The following HMGA2 variants were observed in gnomAD, a reference collection of about 807,000 sequenced individuals.
HMGA2 encodes the protein high mobility group protein HMGI-C.
A neutral mutation model predicts 19.1 loss-of-function variants in HMGA2; 8 were observed. That is an observed-to-expected ratio of 0.42 (90% CI 0.25 to 0.76). The LOEUF (loss-of-function observed/expected upper bound fraction) is 0.76, where lower values mean the gene tolerates loss of function less well. Among genes scored for constraint, HMGA2 ranks in the 30% least tolerant of loss-of-function variants. The pLI is 0.28. For synonymous variants in HMGA2, 60 were observed against 48.8 expected (o/e 1.23, Z -0.96); for missense variants, 109 against 136.3 (o/e 0.80, Z 1.00).
intron 3 of HMGA2, among the ~76,000 whole-genome samples, chr12:65,918,321 A>C: frequency 6.6e-6 from 1 of 152,176 alleles, no homozygotes; most frequent in South Asian, 2.1e-4. Flanking sequence ...ATGTTCCTTT[A>C]ATTTTGTGAT....
At chr12:65,962,783 T>C (rs1024700381) in intron 4 of HMGA2, among the ~76,000 whole-genome samples, 1 of 152,208 alleles carries the variant, frequency 6.6e-6, no homozygotes, top group African/African-American at 2.4e-5. Context: ...GTAAGCACTC[T>C]AAAAATACCA....
intron 3 of HMGA2, among the ~76,000 whole-genome samples, chr12:65,919,379 TA>T (rs137977558): frequency 2.3e-4 from 35 of 150,102 alleles, no homozygotes; most frequent in Admixed American, 5.3e-4. Context: ...ATATCTACTT[TA>T]AAAAAAAAAT....
At chr12:65,868,591 G>A (rs1872553706) in intron 3 of HMGA2, among the ~76,000 whole-genome samples, 1 of 152,076 alleles carries the variant, frequency 6.6e-6, no homozygotes, top group African/African-American at 2.4e-5. Flanking sequence ...TGAAGCAAGA[G>A]TTTCTTTTTA....
chr12:65,837,214 T>C (rs1396857256), intron 2 of HMGA2, among the ~76,000 whole-genome samples: 1 of 152,222 alleles, frequency 6.6e-6, no homozygotes, highest in Non-Finnish European at 1.5e-5. Context: ...ATATAGAGTT[T>C]GCGTTAATTC....
chr12:65,850,943 T>A (rs1227199048), intron 3 of HMGA2, among the ~76,000 whole-genome samples: 1 of 152,234 alleles, frequency 6.6e-6, no homozygotes, highest in Non-Finnish European at 1.5e-5. Flanking sequence ...TTTCTCCTTT[T>A]ACGGTTCTTA....
intron 3 of HMGA2, among the ~76,000 whole-genome samples, chr12:65,900,583 G>C (rs1874330916): frequency 6.6e-6 from 1 of 152,216 alleles, no homozygotes; most frequent in Non-Finnish European, 1.5e-5. Flanking sequence ...TATCAAAGGA[G>C]ACTGACCAGC....
chr12:65,847,404 A>C (rs1339900129), intron 3 of HMGA2, among the ~76,000 whole-genome samples: 4 of 152,220 alleles, frequency 2.6e-5, no homozygotes, highest in Non-Finnish European at 5.9e-5. Flanking sequence ...ATTTATGCTT[A>C]TCAAATAATT....
At chr12:65,911,533 C>T (rs1210060521) in intron 3 of HMGA2, among the ~76,000 whole-genome samples, 1 of 152,070 alleles carries the variant, frequency 6.6e-6, no homozygotes, top group African/African-American at 2.4e-5. Context: ...GTGATGACAG[C>T]AAGATTAAGA....
intron 4 of HMGA2, chr12:65,952,666 A>G (rs1876497285): frequency 2.5e-6 from 1 of 401,310 alleles, no homozygotes; most frequent in Non-Finnish European, 4.2e-6. Flanking sequence ...TGACATTTTC[A>G]TTAGGAGAAC....
At chr12:65,943,087 A>C (rs1009008439) in intron 3 of HMGA2, among the ~76,000 whole-genome samples, 2 of 152,146 alleles carry the variant, frequency 1.3e-5, no homozygotes, top group African/African-American at 4.8e-5. Context: ...TATTAATCTA[A>C]AATTGTACAT....
chr12:65,829,460 G>A (rs2120833429), intron 2 of HMGA2, among the ~76,000 whole-genome samples: 1 of 152,014 alleles, frequency 6.6e-6, no homozygotes, highest in Non-Finnish European at 1.5e-5. Flanking sequence ...TAACTAAAAT[G>A]GACTGATTTT....
At chr12:65,934,672 C>T (rs1377756316) in intron 3 of HMGA2, 2 of 152,162 alleles carry the variant, frequency 1.3e-5, no homozygotes, top group Non-Finnish European at 2.9e-5. Flanking sequence ...CATTTGTTCA[C>T]ATGAATAGAA....
intron 3 of HMGA2, among the ~76,000 whole-genome samples, chr12:65,892,898 C>G (rs867898357): frequency 2.0e-5 from 3 of 152,250 alleles, no homozygotes; most frequent in Middle Eastern, 3.4e-3. Context: ...CTCTTTCAAG[C>G]GGCGGAAACC....
intron 4 of HMGA2, chr12:65,952,553 T>C: frequency 1.4e-6 from 2 of 1,382,524 alleles, no homozygotes; most frequent in Non-Finnish European, 1.9e-6. Flanking sequence ...TCATTGCTGC[T>C]CCCATACCTA....
At chr12:65,895,818 G>A (rs916915027) in intron 3 of HMGA2, among the ~76,000 whole-genome samples, 5 of 152,242 alleles carry the variant, frequency 3.3e-5, no homozygotes, top group South Asian at 2.1e-4. Flanking sequence ...GCTTTGTTCC[G>A]CTCTGAGGAC....
intron 3 of HMGA2, among the ~76,000 whole-genome samples, chr12:65,925,144 ACT>A (rs1875461249): frequency 6.6e-6 from 1 of 152,188 alleles, no homozygotes; most frequent in Non-Finnish European, 1.5e-5. Flanking sequence ...AAATAAAAAA[ACT>A]CAATTAATTT....
At chr12:65,836,617 C>T (rs1445854455) in intron 2 of HMGA2, among the ~76,000 whole-genome samples, 2 of 152,188 alleles carry the variant, frequency 1.3e-5, no homozygotes, top group African/African-American at 4.8e-5. Context: ...GTGATCTTCT[C>T]AGGGCACCTC....
intron 3 of HMGA2, among the ~76,000 whole-genome samples, chr12:65,876,583 T>C (rs1333774118): frequency 1.3e-5 from 2 of 152,242 alleles, no homozygotes; most frequent in African/African-American, 4.8e-5. Flanking sequence ...GTTCTCCATT[T>C]CTCTTTATAT....
At chr12:65,905,074 A>C (rs1192438954) in intron 3 of HMGA2, among the ~76,000 whole-genome samples, 1 of 152,164 alleles carries the variant, frequency 6.6e-6, no homozygotes, top group African/African-American at 2.4e-5. Context: ...ATTGCAGATA[A>C]ATAGAAAGTC....
Sources: gnomAD v4.1 joint callset for allele counts (sites outside exome capture counted in the v4.1 genomes callset) on GRCh38, gnomAD v4.1.1 for gene constraint, MANE v1.5 for transcripts, NCBI Gene and HGNC (gene_info 2026-07-23, HGNC 2026-07-21) for gene names.